SYNJ2: variants seen among roughly 807,000 people sequenced by gnomAD.
SYNJ2 encodes the protein synaptojanin 2.
Under a neutral mutation model 141.3 loss-of-function variants are expected in SYNJ2, and 116 were observed. The ratio of observed to expected loss-of-function variants is 0.82; its 90% CI spans 0.71 to 0.96. SYNJ2 has a LOEUF of 0.96. Ranked by LOEUF, SYNJ2 falls within the 40% of genes least tolerant of loss-of-function variation. SYNJ2 has a pLI of 0.00. For missense variants in SYNJ2, 1,873 were observed against 1,934.8 expected (o/e 0.97, Z 0.60); for synonymous variants, 745 against 777.7 (o/e 0.96, Z 0.70).
intron 1 of SYNJ2, among the ~76,000 whole-genome samples, chr6:158,009,541 T>G (rs1583311194): frequency 1.3e-5 from 2 of 151,568 alleles, no homozygotes; most frequent in African/African-American, 2.4e-5. Context: ...GCTGAGGAGG[T>G]AGAAGGGAGG....
Position 158,068,665 on chromosome 6 carries a change from A to G in SYNJ2, c.1736A>G (p.Asp579Gly). The G allele has an allele frequency of 6.2e-7, 1 of 1,614,228 alleles. No individual in the cohort carries two copies. Among genetic ancestry groups the G allele is most frequent in the South Asian group, 1.1e-5 (1 of 91,086 alleles). The part of the protein sequence containing the change: ...TDSQDDSSPA[D>G]IFAVGFEEMV... ...TCCCCAGATGACAGCAGCCCAGCTG[A>G]CATATTTGCTGTGGGGTTTGAAGAG... The change falls in exon 13 of 27, where the codon GAC becomes GGC. Residue 579 changes from aspartate to glycine, a missense_variant. Physicochemically the swap from Asp to Gly is moderately conservative, Grantham distance 94. Transcript: ENST00000355585.
intron 5 of SYNJ2, among the ~76,000 whole-genome samples, chr6:158,053,356 A>G (rs1482926447): frequency 6.6e-6 from 1 of 152,166 alleles, no homozygotes; most frequent in African/African-American, 2.4e-5. Flanking sequence ...CCTTTTACTA[A>G]ACTTTCCCTT....
rs147923079 is a variant in SYNJ2, at chr6:158,017,822, C to G, written c.214+532C>G. The stretch of plus-strand genomic sequence containing the variant: ...TGAGTGTTGCCTGGTTGTCACCTGC[C>G]TGTGCTGGGGAGCAGGGTGGGGTTC... On this transcript the variant is annotated intron_variant, in intron 2 of 26. Transcript: ENST00000355585. 4.6e-4 allele frequency: 245 copies of G among 528,698 alleles called. 1 individual carries two copies. Among genetic ancestry groups the G allele is most frequent in the Non-Finnish European group, 7.9e-4 (203 of 257,866 alleles). The allele number at this position is 528,698 out of a possible 1,614,324, so 32.8% of individuals were successfully genotyped here. A position where few individuals can be genotyped will look rare whatever the true frequency, so the allele number is the denominator to read the frequency against.
intron 18 of SYNJ2, among the ~76,000 whole-genome samples, chr6:158,080,293 A>G (rs6913101): frequency 0.55 from 83,162 of 151,650 alleles, 23,389 homozygotes; most frequent in African/African-American, 0.67. Flanking sequence ...TAGCCAACAC[A>G]GCAAAACCCC....
chr6:158,096,575 G>A lies in SYNJ2; in HGVS notation c.*211G>A, dbSNP rs1783813085. 1 of 487,144 alleles carries A rather than the reference G, an allele frequency of 2.1e-6. No homozygotes were observed. Among genetic ancestry groups the A allele is most frequent in the East Asian group, 3.7e-5 (1 of 27,018 alleles). 30.2% of individuals were successfully genotyped at this position (487,144 alleles called of 1,614,324 possible). ...TATTTCACTCAAGGCTTGTACATCT[G>A]AAGTTTGCTCTTCAAGGAATGGGAA... On this transcript the variant is annotated 3_prime_UTR_variant, in exon 27 of 27. Transcript: ENST00000355585.
At chr6:158,078,030 G>T in intron 17 of SYNJ2, 134 bp from the exon 18 acceptor site, 1 of 639,490 alleles carries the variant, frequency 1.6e-6, no homozygotes, top group Admixed American at 2.5e-5. Context: ...CTTCAAGGTG[G>T]AGGAGTAAGG....
At position 158,017,404 on chromosome 6, in the gene SYNJ2, T is replaced by C. The variant is rs1474003235; in HGVS notation, c.214+114T>C. 285 of 946,110 alleles carry C rather than the reference T, an allele frequency of 3.0e-4. 1 individual carries two copies. In the African/African-American group the frequency reaches 4.2e-3, roughly 14 times the overall value. The allele number at this position is 946,110 out of a possible 1,614,324, so 58.6% of individuals were successfully genotyped here. ...TGTTTGACCGCTCTTCTCTCTCTCT[T>C]CTTTTTTTTTTTTTTTTTTTTTTCT... On this transcript the variant is annotated intron_variant, in intron 2 of 26. Coordinates refer to ENST00000355585, the MANE Select transcript of SYNJ2 (RefSeq NM_003898.4).
At chr6:158,048,534 C>A (rs1213699102) in intron 5 of SYNJ2, among the ~76,000 whole-genome samples, 1 of 152,188 alleles carries the variant, frequency 6.6e-6, no homozygotes, top group Non-Finnish European at 1.5e-5. Context: ...CCTTGCTGCA[C>A]AGAAGACTCT....
At chr6:157,996,346 C>T (rs1167903811) in intron 1 of SYNJ2, among the ~76,000 whole-genome samples, 1 of 152,118 alleles carries the variant, frequency 6.6e-6, no homozygotes, top group Non-Finnish European at 1.5e-5. Context: ...AGCCACTGCC[C>T]CATGTGCTTT....
At chr6:157,992,070 C>T (rs952022714) in intron 1 of SYNJ2, among the ~76,000 whole-genome samples, 3 of 152,044 alleles carry the variant, frequency 2.0e-5, no homozygotes, top group African/African-American at 7.2e-5. Context: ...TATGTAATAA[C>T]CACATCATGG....
intron 1 of SYNJ2, among the ~76,000 whole-genome samples, chr6:157,995,961 A>G (rs1777617682): frequency 6.6e-6 from 1 of 152,222 alleles, no homozygotes; most frequent in African/African-American, 2.4e-5. Flanking sequence ...ATCTGTGGAA[A>G]GGCATACTAT....
chr6:158,038,969 G>A (rs753553828), intron 4 of SYNJ2, among the ~76,000 whole-genome samples: 20 of 152,224 alleles, frequency 1.3e-4, no homozygotes, highest in Non-Finnish European at 2.1e-4. Flanking sequence ...TGGGACCAGG[G>A]CATGGGCCTG....
rs554746941 is a variant in SYNJ2, at chr6:158,003,466, A to G, written c.128-13738A>G. On this transcript the variant is annotated intron_variant, in intron 1 of 26. Transcript: ENST00000355585. ...AGCAGCCACCAGCCAGTCAGAACTG[A>G]GCTCCGAATTAACACATGAAGGAGA... Among the ~76,000 whole-genome samples, 273 of 152,270 alleles carry G rather than the reference A, an allele frequency of 1.8e-3. 1 individual carries two copies. The highest frequency in any genetic ancestry group is 3.3e-3 in the Non-Finnish European group (224 of 68,016).
chr6:158,092,930 C>A lies in SYNJ2; in HGVS notation c.3570C>A (p.Ala1190=), dbSNP rs1783557355. The change falls in exon 26 of 27, where the codon GCC becomes GCA. Residue 1190 remains alanine (A), a synonymous_variant. Transcript: ENST00000355585. ...CCATGTGGTTTTATGTTTCAGGTGC[C>A]TCCGAAGAAGCCCTAAGTGCCGTGG... ...IRCLLEARGG[A]SEEALSAVAP... 3 of 1,582,954 alleles carry A rather than the reference C, an allele frequency of 1.9e-6. No homozygotes were observed. The African/African-American group carries it at 4.1e-5, about 22-fold the overall frequency.
chr6:158,057,260 C>G (rs1030756389), intron 6 of SYNJ2, among the ~76,000 whole-genome samples: 1 of 152,142 alleles, frequency 6.6e-6, no homozygotes, highest in African/African-American at 2.4e-5. Context: ...CTCAGGGTGA[C>G]CCAGGAAGAA....
chr6:158,077,817 T>G (rs918472744), intron 17 of SYNJ2: 25 of 171,164 alleles, frequency 1.5e-4, no homozygotes, highest in Admixed American at 5.3e-4. Context: ...TGAGTCCGAG[T>G]GTTCTCAGCT....
chr6:158,000,716 T>C (rs1372701191), intron 1 of SYNJ2, among the ~76,000 whole-genome samples: 2 of 151,870 alleles, frequency 1.3e-5, no homozygotes, highest in African/African-American at 4.8e-5. Context: ...ACCCCTGACC[T>C]ACCCGCACCG....
At position 158,043,063 on chromosome 6, in the gene SYNJ2, C is replaced by T. The variant is rs538847530; in HGVS notation, c.712-253C>T. On this transcript the variant is annotated intron_variant, in intron 4 of 26. Coordinates refer to ENST00000355585, the MANE Select transcript of SYNJ2 (RefSeq NM_003898.4). The surrounding 1 kb of genome is among the most constrained non-coding windows in gnomAD (Gnocchi z 4.0). ...GTTGTGCCCTAGAAGTGTGAATTCC[C>T]GGAGACCCTGGGAGGCCCCAACCCC... Among the ~76,000 whole-genome samples, 150 of 152,278 alleles carry T rather than the reference C, an allele frequency of 9.9e-4. No homozygotes were observed. Among genetic ancestry groups the T allele is most frequent in the African/African-American group, 3.2e-3 (131 of 41,542 alleles).
intron 12 of SYNJ2, among the ~76,000 whole-genome samples, chr6:158,067,068 G>C (rs771704706): frequency 6.6e-6 from 1 of 152,234 alleles, no homozygotes; most frequent in Non-Finnish European, 1.5e-5. Flanking sequence ...ACCCAGGCTA[G>C]AGTGTAGTGA....
Sources: allele counts gnomAD v4.1 joint callset (sites outside exome capture counted in the v4.1 genomes callset), GRCh38; gene constraint gnomAD v4.1.1; non-coding constraint Gnocchi (gnomAD v3.1); transcripts MANE v1.5; gene names NCBI Gene and HGNC (gene_info 2026-07-23, HGNC 2026-07-21).